Variants in GUF1 observed in about 807,000 individuals in gnomAD.
The protein encoded by GUF1 is GTP binding elongation factor GUF1, also known as translation factor GUF1, mitochondrial.
In GUF1, 78 loss-of-function variants were observed where a neutral mutation model predicts 82.4. The observed-to-expected ratio is 0.95, with a 90% CI of 0.79 to 1.14. The LOEUF (loss-of-function observed/expected upper bound fraction) is 1.14, where lower values mean the gene tolerates loss of function less well. Ranked by LOEUF, GUF1 falls within the 50% of genes most tolerant of loss-of-function variation. GUF1 has a pLI of 0.00. For missense variants in GUF1, 814 were observed against 798.2 expected (o/e 1.02, Z -0.24); for synonymous variants, 279 against 282.3 (o/e 0.99, Z 0.12).
chr4:44,687,867 T>C, intron 8 of GUF1, 140 bp from the exon 9 acceptor site: 1 of 647,214 alleles, frequency 1.5e-6, no homozygotes, highest in East Asian at 2.9e-5. Flanking sequence ...AGTTTGATAA[T>C]TGATATGTAG....
intron 6 of GUF1, among the ~76,000 whole-genome samples, chr4:44,684,950 A>T (rs1297712981): frequency 6.6e-6 from 1 of 152,142 alleles, no homozygotes; most frequent in Non-Finnish European, 1.5e-5. Context: ...GCATAGAAAA[A>T]ACACATAATT....
chr4:44,690,783 G>A lies in GUF1; in HGVS notation c.1402G>A (p.Glu468Lys). Reference sequence around the variant, plus strand: ...ATTCCCCGATAAATCAAAAGTAACAGAATATTTGGAGCCAGTTGTTTTGGG... The same window carrying A: ...ATTCCCCGATAAATCAAAAGTAACAAAATATTTGGAGCCAGTTGTTTTGGG... Reference protein sequence around the residue: ...AQFPDKSKVTEYLEPVVLGTI... With the variant: ...AQFPDKSKVTKYLEPVVLGTI... Residue 468 changes from glutamate to lysine, a missense_variant, in exon 12 of 17, where the codon GAA becomes AAA. Transcript: ENST00000281543. The A allele has an allele frequency of 6.3e-7, 1 of 1,597,816 alleles. No individual in the cohort carries two copies. The highest frequency in any genetic ancestry group is 1.1e-5 in the South Asian group (1 of 90,290).
At position 44,681,222 on chromosome 4, in the gene GUF1, G is replaced by A. The variant is rs1470114466; in HGVS notation, c.507+19G>A. 2 of 1,548,066 alleles carry A rather than the reference G, an allele frequency of 1.3e-6. No individual in the cohort carries two copies. Among genetic ancestry groups the A allele is most frequent in the Admixed American group, 3.3e-5 (2 of 59,886 alleles). Reference sequence around the variant, plus strand: ...AAATGAGGTAGGTATTTTTCATTTTGTATGATGTGATATGACATGACTATT... The same window carrying A: ...AAATGAGGTAGGTATTTTTCATTTTATATGATGTGATATGACATGACTATT... On this transcript the variant is annotated intron_variant, in intron 4 of 16. Coordinates refer to ENST00000281543, the MANE Select transcript of GUF1 (RefSeq NM_021927.3).
chr4:44,689,265 T>C (rs770295481), intron 9 of GUF1, 21 bp from the exon 10 acceptor site: 2 of 1,550,412 alleles, frequency 1.3e-6, no homozygotes, highest in Non-Finnish European at 1.7e-6. Flanking sequence ...ACGTGATAAT[T>C]AGAAATCATT....
intron 6 of GUF1, among the ~76,000 whole-genome samples, 179 bp downstream of exon 6, chr4:44,683,497 T>C (rs1714886750): frequency 6.6e-6 from 1 of 152,198 alleles, no homozygotes; most frequent in African/African-American, 2.4e-5. Flanking sequence ...TGTTAGGACA[T>C]ACAGAAATTA....
intron 6 of GUF1, among the ~76,000 whole-genome samples, chr4:44,685,625 T>C (rs1715001700): frequency 6.6e-6 from 1 of 152,046 alleles, no homozygotes; most frequent in South Asian, 2.1e-4. Context: ...ATTTTTTAGA[T>C]GATGAAATTT....
intron 13 of GUF1, chr4:44,693,860 C>T (rs902919045): frequency 6.5e-6 from 1 of 154,226 alleles, no homozygotes; most frequent in Admixed American, 6.5e-5. Context: ...ATGTACTAGG[C>T]ATTGCTCTAA....
chr4:44,680,078 C>T (rs1043010365), intron 1 of GUF1, among the ~76,000 whole-genome samples: 1 of 152,064 alleles, frequency 6.6e-6, no homozygotes, highest in Non-Finnish European at 1.5e-5. Flanking sequence ...CTTCTTTCAG[C>T]TTTTCTGTAG....
rs923522803 is a variant in GUF1, at chr4:44,700,160, A to G, written c.*1479A>G. 3.9e-5 allele frequency: 6 copies of G among 152,186 alleles called. No individual in the cohort carries two copies. Among genetic ancestry groups the G allele is most frequent in the African/African-American group, 1.4e-4 (6 of 41,442 alleles). 9.4% of individuals were successfully genotyped at this position (152,186 alleles called of 1,614,324 possible). A position where few individuals can be genotyped will look rare whatever the true frequency, so the allele number is the denominator to read the frequency against. On this transcript the variant is annotated 3_prime_UTR_variant, in exon 17 of 17. Coordinates refer to ENST00000281543, the MANE Select transcript of GUF1 (RefSeq NM_021927.3). ...TTTATACTAAGGTTATATGAAAGAAAAATCTCAAAACCACTAAGCCAAAGG... is the reference window on the plus strand; with the variant it reads ...TTTATACTAAGGTTATATGAAAGAAGAATCTCAAAACCACTAAGCCAAAGG...
chr4:44,686,864 A>G (rs1715088352), intron 8 of GUF1, 151 bp downstream of exon 8: 1 of 597,720 alleles, frequency 1.7e-6, no homozygotes, highest in African/African-American at 1.9e-5. Flanking sequence ...CTGTCAAGGA[A>G]TCTCATGGGA....
chr4:44,695,781 A>G, intron 15 of GUF1, 47 bp downstream of exon 15: 2 of 1,576,812 alleles, frequency 1.3e-6, no homozygotes, highest in Non-Finnish European at 1.7e-6. Context: ...CAGAAATGAT[A>G]TACCTAAAAA....
At chr4:44,693,955 A>G (rs1441942376) in intron 13 of GUF1, 3 of 166,198 alleles carry the variant, frequency 1.8e-5, no homozygotes, top group African/African-American at 4.8e-5. Flanking sequence ...AGGAAATCCA[A>G]AGGTCTCATT....
intron 4 of GUF1, 118 bp downstream of exon 4, chr4:44,681,321 C>T: frequency 1.5e-6 from 1 of 689,586 alleles, no homozygotes; most frequent in Non-Finnish European, 2.5e-6. Flanking sequence ...TAGATTTAAT[C>T]TGTTACTTAC....
intron 15 of GUF1, 118 bp from the exon 16 acceptor site, chr4:44,697,290 A>G: frequency 2.0e-6 from 1 of 488,106 alleles, no homozygotes; most frequent in Non-Finnish European, 3.7e-6. Context: ...GCAATTTTAC[A>G]TAGGTAATGA....
At chr4:44,684,065 A>G (rs1203703259) in intron 6 of GUF1, among the ~76,000 whole-genome samples, 1 of 152,126 alleles carries the variant, frequency 6.6e-6, no homozygotes, top group Non-Finnish European at 1.5e-5. Flanking sequence ...AGCTAAGAGT[A>G]TGGCAGTGAA....
intron 12 of GUF1, 45 bp downstream of exon 12, chr4:44,690,905 C>G: frequency 4.3e-6 from 6 of 1,402,752 alleles, no homozygotes; most frequent in Non-Finnish European, 5.8e-6. Flanking sequence ...TTTTAGTCCT[C>G]TGAAATAGTG....
chr4:44,683,220 T>G lies in GUF1; in HGVS notation c.586-15T>G. On this transcript the variant is annotated splice_polypyrimidine_tract_variant and intron_variant, in intron 5 of 16. Transcript: ENST00000281543. ...TCTTTATTATACTTCACATAATGGA[T>G]TTTTTTTTTTAAAGATAGATCTGAA... The G allele has an allele frequency of 1.3e-6, 1 of 766,974 alleles. No homozygotes were observed. Among genetic ancestry groups the G allele is most frequent in the Non-Finnish European group, 1.8e-6 (1 of 557,098 alleles). 47.5% of individuals were successfully genotyped at this position (766,974 alleles called of 1,614,324 possible).
intron 6 of GUF1, among the ~76,000 whole-genome samples, chr4:44,684,463 G>T (rs1010156337): frequency 1.3e-5 from 2 of 152,054 alleles, no homozygotes; most frequent in Non-Finnish European, 2.9e-5. Flanking sequence ...GCTGGGACTC[G>T]TGCTGTGCTG....
chr4:44,691,749 T>C lies in GUF1; in HGVS notation c.1563T>C (p.Ile521=). The C allele has an allele frequency of 6.3e-7, 1 of 1,590,402 alleles. No homozygotes were observed. ...MLKYLFPLNE[I]VVDFYDSLKS... Reference sequence around the variant, plus strand: ...AATATCTCTTTCCTTTGAATGAAATTGTGGTAGATTTTTATGACTCTTTGA... The same window carrying C: ...AATATCTCTTTCCTTTGAATGAAATCGTGGTAGATTTTTATGACTCTTTGA... The change falls in exon 13 of 17, where the codon ATT becomes ATC. Residue 521 remains isoleucine (I), a synonymous_variant. Coordinates refer to ENST00000281543, the MANE Select transcript of GUF1 (RefSeq NM_021927.3).
Sources: allele counts gnomAD v4.1 joint callset (sites outside exome capture counted in the v4.1 genomes callset), GRCh38; gene constraint gnomAD v4.1.1; transcripts MANE v1.5; gene names NCBI Gene and HGNC (gene_info 2026-07-23, HGNC 2026-07-21).